PICALM: variants seen among roughly 807,000 people sequenced by gnomAD.
The protein encoded by PICALM is phosphatidylinositol binding clathrin assembly protein.
Under a neutral mutation model 80.5 loss-of-function variants are expected in PICALM, and 40 were observed. The observed-to-expected ratio is 0.50, with a 90% CI of 0.39 to 0.65. The LOEUF (loss-of-function observed/expected upper bound fraction) is 0.65. Ranked by LOEUF, PICALM falls within the 30% of genes least tolerant of loss-of-function variation. The probability of loss-of-function intolerance (pLI) is 0.00; values close to 1 mark genes in which losing one functional copy is unlikely to be tolerated. For synonymous variants in PICALM, 288 were observed against 260.3 expected, an observed-to-expected ratio of 1.11 and a Z score of -1.02; for missense variants, 676 against 778.9, an observed-to-expected ratio of 0.87 and a Z score of 1.57.
At chr11:85,992,732 A>T (rs2094825486) in intron 12 of PICALM, among the ~76,000 whole-genome samples, 1 of 152,178 alleles carries the variant, frequency 6.6e-6, no homozygotes, top group Non-Finnish European at 1.5e-5. Context: ...TTATTTCTGT[A>T]ACAGATCCAT....
At chr11:85,971,695 C>G (rs1162034749) in intron 19 of PICALM, among the ~76,000 whole-genome samples, 1 of 150,822 alleles carries the variant, frequency 6.6e-6, no homozygotes, top group African/African-American at 2.4e-5. Context: ...GAGATCGCAC[C>G]ACTGTACTCG....
At chr11:85,973,517 T>C (rs532503022) in intron 19 of PICALM, among the ~76,000 whole-genome samples, 2 of 152,318 alleles carry the variant, frequency 1.3e-5, no homozygotes, top group East Asian at 3.9e-4. Flanking sequence ...TTATTCATTA[T>C]TATTAATCTC....
At chr11:85,962,610 T>A (rs1386393131) in intron 19 of PICALM, among the ~76,000 whole-genome samples, 1 of 152,218 alleles carries the variant, frequency 6.6e-6, no homozygotes, top group East Asian at 1.9e-4. Context: ...AAAGGATTAC[T>A]TTTCCTTGAG....
intron 17 of PICALM, chr11:85,977,918 C>T (rs1226954682): frequency 9.1e-6 from 6 of 661,942 alleles, no homozygotes; most frequent in African/African-American, 7.2e-5. Context: ...TGCAACACAC[C>T]CATGAAATCA....
At chr11:86,047,593 T>C (rs2096096561) in intron 1 of PICALM, among the ~76,000 whole-genome samples, 1 of 152,212 alleles carries the variant, frequency 6.6e-6, no homozygotes, top group African/African-American at 2.4e-5. Context: ...TTTCCAGTCA[T>C]CTTTTGCCCT....
At chr11:85,965,137 AT>A (rs1248528468) in intron 19 of PICALM, among the ~76,000 whole-genome samples, 3 of 152,246 alleles carry the variant, frequency 2.0e-5, no homozygotes, top group Non-Finnish European at 4.4e-5. Context: ...TTTAAGAGGT[AT>A]TTAGGTTCTC....
chr11:85,997,827 G>C (rs2095023908), intron 11 of PICALM, among the ~76,000 whole-genome samples: 1 of 152,002 alleles, frequency 6.6e-6, no homozygotes, highest in Admixed American at 6.6e-5. Context: ...CTGTTGTCCA[G>C]GCTGGAGTGC....
chr11:86,029,315 T>A (rs1262895218), intron 2 of PICALM, among the ~76,000 whole-genome samples: 2 of 152,162 alleles, frequency 1.3e-5, no homozygotes, highest in African/African-American at 4.8e-5. Context: ...CACAGTATAG[T>A]GAAATCCTAT....
intron 19 of PICALM, among the ~76,000 whole-genome samples, chr11:85,966,590 G>A (rs1252490405): frequency 6.6e-6 from 1 of 152,194 alleles, no homozygotes; most frequent in Non-Finnish European, 1.5e-5. Flanking sequence ...GGTTAGCTGA[G>A]GAGTCAAGTC....
intron 17 of PICALM, among the ~76,000 whole-genome samples, chr11:85,980,817 C>A (rs1321739090): frequency 6.6e-6 from 1 of 152,066 alleles, no homozygotes; most frequent in East Asian, 1.9e-4. Flanking sequence ...TAACTCTGAG[C>A]CTCCACTTCC....
At chr11:86,056,147 AAAAG>A (rs1434703541) in intron 1 of PICALM, among the ~76,000 whole-genome samples, 1 of 148,790 alleles carries the variant, frequency 6.7e-6, no homozygotes, top group Non-Finnish European at 1.5e-5. Context: ...AAAAAAAAAA[AAAAG>A]AAAAAACCCT....
intron 1 of PICALM, among the ~76,000 whole-genome samples, chr11:86,037,602 G>A (rs1318746745): frequency 6.6e-6 from 1 of 151,368 alleles, no homozygotes; most frequent in Non-Finnish European, 1.5e-5. Context: ...TGGAGGTTGA[G>A]GCGGGAAGAT....
intron 1 of PICALM, among the ~76,000 whole-genome samples, chr11:86,067,147 G>A (rs1033167216): frequency 2.6e-5 from 4 of 152,184 alleles, no homozygotes; most frequent in Non-Finnish European, 5.9e-5. Context: ...CATGAGCACA[G>A]TAACTTGGAA....
At chr11:86,005,624 G>A (rs1402063342) in intron 8 of PICALM, among the ~76,000 whole-genome samples, 1 of 152,132 alleles carries the variant, frequency 6.6e-6, no homozygotes, top group Admixed American at 6.6e-5. Flanking sequence ...AGGATTACTT[G>A]AGCCTGGGAG....
chr11:86,061,994 GA>G, intron 1 of PICALM, among the ~76,000 whole-genome samples: 1 of 152,148 alleles, frequency 6.6e-6, no homozygotes, highest in Non-Finnish European at 1.5e-5. Flanking sequence ...ATTAGTACGT[GA>G]AAAAAGAAAA....
chr11:86,067,471 G>C (rs1411004511), intron 1 of PICALM, among the ~76,000 whole-genome samples: 1 of 152,154 alleles, frequency 6.6e-6, no homozygotes, highest in African/African-American at 2.4e-5. Context: ...AGAAAAAGGA[G>C]GGTATTACAG....
chr11:86,041,936 T>C (rs554643039), intron 1 of PICALM, among the ~76,000 whole-genome samples: 20 of 152,330 alleles, frequency 1.3e-4, no homozygotes, highest in African/African-American at 4.6e-4. Context: ...TGACTTGTAT[T>C]TTCAAATGAA....
At chr11:86,016,715 A>G (rs1443886122) in intron 4 of PICALM, among the ~76,000 whole-genome samples, 1 of 152,140 alleles carries the variant, frequency 6.6e-6, no homozygotes, top group Non-Finnish European at 1.5e-5. Flanking sequence ...ATCAACCTCA[A>G]ATGAATACTC....
At chr11:85,984,923 G>A (rs549342157) in intron 13 of PICALM, among the ~76,000 whole-genome samples, 12 of 152,204 alleles carry the variant, frequency 7.9e-5, no homozygotes, top group African/African-American at 2.4e-4. Flanking sequence ...CAATCATTGA[G>A]TATATCCAAA....
Sources: gnomAD v4.1 joint callset for allele counts (sites outside exome capture counted in the v4.1 genomes callset) on GRCh38, gnomAD v4.1.1 for gene constraint, MANE v1.5 for transcripts, NCBI Gene and HGNC (gene_info 2026-07-23, HGNC 2026-07-21) for gene names.